Variants in SPAG16 observed in about 807,000 individuals in gnomAD.
SPAG16 encodes the protein sperm-associated antigen 16 protein.
A neutral mutation model predicts 80.4 loss-of-function variants in SPAG16; 86 were observed. The ratio of observed to expected loss-of-function variants is 1.07; its 90% CI spans 0.90 to 1.28. The LOEUF is 1.28. SPAG16 is among the 50% of genes most tolerant of loss of function. The pLI, the probability that SPAG16 is intolerant of heterozygous loss-of-function variation, is 0.00. For missense variants in SPAG16, 870 were observed against 765.3 expected, an observed-to-expected ratio of 1.14 and a Z score of -1.61; for synonymous variants, 294 against 265.9, an observed-to-expected ratio of 1.11 and a Z score of -1.03.
intron 12 of SPAG16, among the ~76,000 whole-genome samples, chr2:213,940,501 C>T (rs1280563756): frequency 6.6e-6 from 1 of 151,976 alleles, no homozygotes; most frequent in Non-Finnish European, 1.5e-5. Context: ...CCTTATGTTG[C>T]CCAAGCTGGT....
At chr2:213,879,039 T>G (rs1010629897) in intron 11 of SPAG16, among the ~76,000 whole-genome samples, 3 of 152,164 alleles carry the variant, frequency 2.0e-5, no homozygotes, top group African/African-American at 7.2e-5. Context: ...CAATGCTGTT[T>G]TGGTTGCTGT....
chr2:213,297,450 G>A lies in SPAG16; in HGVS notation c.279+93G>A, dbSNP rs936257519. On this transcript the variant is annotated intron_variant, in intron 3 of 15. Coordinates refer to ENST00000331683, the MANE Select transcript of SPAG16 (RefSeq NM_024532.5). ...TCTTTTAAATGTAAATACTAGTGTA[G>A]CTCAGTCATCTGTTATATCATTTTC... The A allele has an allele frequency of 4.6e-6, 3 of 651,108 alleles. No homozygotes were observed. The Admixed American group carries it at 9.3e-5, about 20-fold the overall frequency. The allele number at this position is 651,108 out of a possible 1,614,324, so 40.3% of individuals were successfully genotyped here. A position where few individuals can be genotyped will look rare whatever the true frequency, so the allele number is the denominator to read the frequency against.
intron 9 of SPAG16, among the ~76,000 whole-genome samples, chr2:213,379,097 G>C (rs1318766932): frequency 6.6e-6 from 1 of 152,164 alleles, no homozygotes; most frequent in Non-Finnish European, 1.5e-5. Context: ...TGTGTCTCTT[G>C]ATGGCAGCGT....
intron 10 of SPAG16, among the ~76,000 whole-genome samples, chr2:213,592,313 A>T (rs950590956): frequency 6.6e-6 from 1 of 152,212 alleles, no homozygotes; most frequent in African/African-American, 2.4e-5. Context: ...TTTATGTCTC[A>T]GATTGAATCG....
intron 14 of SPAG16, among the ~76,000 whole-genome samples, chr2:214,109,629 T>C (rs762351226): frequency 9.9e-5 from 15 of 152,192 alleles, no homozygotes; most frequent in Non-Finnish European, 1.3e-4. Flanking sequence ...CCAATTGAAA[T>C]TGTGCTTGTG....
chr2:214,072,377 T>TA (rs1188105897), intron 13 of SPAG16, among the ~76,000 whole-genome samples: 5 of 152,142 alleles, frequency 3.3e-5, no homozygotes, highest in Non-Finnish European at 5.9e-5. Flanking sequence ...CAAATTCTAT[T>TA]AAAAAATTGC....
At chr2:213,413,322 G>A (rs1187789447) in intron 9 of SPAG16, among the ~76,000 whole-genome samples, 1 of 152,012 alleles carries the variant, frequency 6.6e-6, no homozygotes, top group East Asian at 1.9e-4. Flanking sequence ...TGAAGTATCA[G>A]GTTGCTGAAA....
At chr2:213,629,466 A>G (rs891993513) in intron 10 of SPAG16, among the ~76,000 whole-genome samples, 3 of 152,224 alleles carry the variant, frequency 2.0e-5, no homozygotes, top group Non-Finnish European at 4.4e-5. Context: ...AATTGACTTT[A>G]TGTTCTTCAG....
chr2:213,362,158 T>A (rs186890592), intron 7 of SPAG16, among the ~76,000 whole-genome samples: 91 of 152,302 alleles, frequency 6.0e-4, no homozygotes, highest in African/African-American at 2.0e-3. Context: ...AGGTTCCTCA[T>A]TATAGGAATC....
rs565217911 is a variant in SPAG16, at chr2:213,552,478, G to A, written c.1070+62388G>A. ...ATGATTCTTTATTTTCTCAACTCTA[G>A]TTTTATATGATTCTTCATTTTCTCA... On this transcript the variant is annotated intron_variant, in intron 10 of 15. Coordinates refer to ENST00000331683, the MANE Select transcript of SPAG16 (RefSeq NM_024532.5). Among the ~76,000 whole-genome samples, 7 of 152,174 alleles carry A rather than the reference G, an allele frequency of 4.6e-5. No individual in the cohort carries two copies. The East Asian group carries it at 1.4e-3, about 29-fold the overall frequency.
chr2:213,443,303 A>G (rs1201893819), intron 9 of SPAG16, among the ~76,000 whole-genome samples: 1 of 151,994 alleles, frequency 6.6e-6, no homozygotes, highest in Non-Finnish European at 1.5e-5. Context: ...ACTTCTGTCC[A>G]TTTTCTTTCC....
chr2:213,741,823 C>T (rs2067567496), intron 10 of SPAG16, among the ~76,000 whole-genome samples: 1 of 152,034 alleles, frequency 6.6e-6, no homozygotes, highest in Admixed American at 6.5e-5. Context: ...GTTATATCTA[C>T]CTGTTGAATT....
In SPAG16 at chr2:213,624,827, G is replaced by C. The variant is rs1000452896; in HGVS notation, c.1070+134737G>C. Among the ~76,000 whole-genome samples the C allele has an allele frequency of 2.0e-5, 3 of 152,284 alleles. No individual in the cohort carries two copies. In the South Asian group the frequency reaches 6.2e-4, roughly 32 times the overall value. Reference sequence around the variant, plus strand: ...TTTTTTTGAGATGGAGTCTTGATCTGTTGCCCAGGCTGGAGTGCAATGGCG... The same window carrying C: ...TTTTTTTGAGATGGAGTCTTGATCTCTTGCCCAGGCTGGAGTGCAATGGCG... On this transcript the variant is annotated intron_variant, in intron 10 of 15. Coordinates refer to ENST00000331683, the MANE Select transcript of SPAG16 (RefSeq NM_024532.5).
intron 15 of SPAG16, among the ~76,000 whole-genome samples, chr2:214,273,932 G>T (rs1198857911): frequency 6.6e-6 from 1 of 152,130 alleles, no homozygotes; most frequent in African/African-American, 2.4e-5. Context: ...CCATGTGCAT[G>T]GAATGTTCTT....
intron 15 of SPAG16, among the ~76,000 whole-genome samples, chr2:214,321,319 T>C (rs1696078242): frequency 6.6e-6 from 1 of 152,206 alleles, no homozygotes; most frequent in Admixed American, 6.5e-5. Flanking sequence ...TAGACATGAA[T>C]AGATGAGAAT....
intron 9 of SPAG16, among the ~76,000 whole-genome samples, chr2:213,410,586 C>A (rs534752570): frequency 6.6e-6 from 1 of 152,150 alleles, no homozygotes; most frequent in South Asian, 2.1e-4. Flanking sequence ...TTTGTAATTT[C>A]CTAAAACCCT....
chr2:214,372,888 A>T (rs900252371), intron 15 of SPAG16, among the ~76,000 whole-genome samples: 1 of 152,156 alleles, frequency 6.6e-6, no homozygotes, highest in Non-Finnish European at 1.5e-5. Context: ...TTAAGATTAG[A>T]AATAAAACTT....
intron 10 of SPAG16, among the ~76,000 whole-genome samples, chr2:213,760,866 A>T (rs2125520179): frequency 6.6e-6 from 1 of 152,360 alleles, no homozygotes; most frequent in South Asian, 2.1e-4. Context: ...AAGGCATTAG[A>T]TGGCAAGAAA....
At chr2:214,327,667 C>T (rs1178426624) in intron 15 of SPAG16, among the ~76,000 whole-genome samples, 1 of 149,528 alleles carries the variant, frequency 6.7e-6, no homozygotes, top group Non-Finnish European at 1.5e-5. Flanking sequence ...TACATGAAGT[C>T]ATATAATGTG....
Sources: allele counts gnomAD v4.1 joint callset (sites outside exome capture counted in the v4.1 genomes callset), GRCh38; gene constraint gnomAD v4.1.1; transcripts MANE v1.5; gene names NCBI Gene and HGNC (gene_info 2026-07-23, HGNC 2026-07-21).